Variants in YTHDC2 observed in about 807,000 individuals in gnomAD.
YTHDC2 encodes the protein YTH N6-methyladenosine RNA binding protein C2.
A neutral mutation model predicts 174.9 loss-of-function variants in YTHDC2; 45 were observed. The observed-to-expected ratio is 0.26, with a 90% CI of 0.20 to 0.33. The LOEUF (loss-of-function observed/expected upper bound fraction) is 0.33, where lower values mean the gene tolerates loss of function less well. Among genes scored for constraint, YTHDC2 ranks in the 10% least tolerant of loss-of-function variants. The pLI, the probability that YTHDC2 is intolerant of heterozygous loss-of-function variation, is 1.00. For missense variants in YTHDC2, 1,650 were observed against 1,723.7 expected, an observed-to-expected ratio of 0.96 and a Z score of 0.76; for synonymous variants, 657 against 574.5, an observed-to-expected ratio of 1.14 and a Z score of -2.05.
intron 11 of YTHDC2, 53 bp downstream of exon 11, chr5:113,548,720 CT>C: frequency 6.7e-7 from 1 of 1,502,060 alleles, no homozygotes; most frequent in Non-Finnish European, 8.9e-7. Context: ...CTACACATAT[CT>C]TTTTTTGTTT....
intron 3 of YTHDC2, 128 bp downstream of exon 3, chr5:113,525,305 G>C (rs1774137641): frequency 1.2e-6 from 1 of 852,468 alleles, no homozygotes; most frequent in South Asian, 2.1e-5. Context: ...TGTTAGAAAT[G>C]ATTAAGAGTT....
chr5:113,568,595 G>C (rs575845610), intron 23 of YTHDC2, among the ~76,000 whole-genome samples: 1 of 152,120 alleles, frequency 6.6e-6, no homozygotes, highest in African/African-American at 2.4e-5. Flanking sequence ...TCATCATTCA[G>C]CTCCCACTTA....
chr5:113,557,824 A>T (rs563265845), intron 17 of YTHDC2, among the ~76,000 whole-genome samples: 2 of 152,282 alleles, frequency 1.3e-5, no homozygotes, highest in South Asian at 4.1e-4. Flanking sequence ...AACAAATAGT[A>T]TATTATTGGA....
chr5:113,553,396 A>G lies in YTHDC2; in HGVS notation c.1867+37A>G, dbSNP rs1205037874. 5.2e-6 allele frequency: 8 copies of G among 1,549,222 alleles called. No homozygotes were observed. The East Asian group carries it at 9.1e-5, about 18-fold the overall frequency. ...TTGTCTAAAAGAACTGGAGCAAAAT[A>G]TATACTTTAAGAATTAATATTTTAA... On this transcript the variant is annotated intron_variant, in intron 13 of 29. Coordinates refer to ENST00000161863, the MANE Select transcript of YTHDC2 (RefSeq NM_022828.5).
At chr5:113,580,939 A>G (rs962781318) in intron 24 of YTHDC2, among the ~76,000 whole-genome samples, 4 of 152,036 alleles carry the variant, frequency 2.6e-5, no homozygotes, top group Non-Finnish European at 5.9e-5. Flanking sequence ...TCTTACTCTT[A>G]TCTTCTTACT....
chr5:113,578,383 TTTTGTTTTG>T (rs1056577122), intron 23 of YTHDC2, among the ~76,000 whole-genome samples: 1 of 146,568 alleles, frequency 6.8e-6, no homozygotes, highest in East Asian at 1.9e-4. Flanking sequence ...TTTTGTTTTG[TTTTGTTTTG>T]TTTTTTTGTG....
Position 113,526,640 on chromosome 5 carries a change from T to A in YTHDC2, c.530T>A (p.Ile177Asn). 1 of 1,603,992 alleles carries A rather than the reference T, an allele frequency of 6.2e-7. No individual in the cohort carries two copies. Among genetic ancestry groups the A allele is most frequent in the Non-Finnish European group, 8.5e-7 (1 of 1,174,510 alleles). Reference sequence around the variant, plus strand: ...CGACTCAACAATGGCATACCTCAGATTCCAGTGAAAAGAGGAGAATCCGAA... The same window carrying A: ...CGACTCAACAATGGCATACCTCAGAATCCAGTGAAAAGAGGAGAATCCGAA... ...SGRLNNGIPQ[I>N]PVKRGESEFD... is the part of the protein sequence containing the mutation. The change falls in exon 4 of 30, where the codon ATT (isoleucine) becomes AAT (asparagine). Residue 177 changes from isoleucine to asparagine, a missense_variant. Ile to Asn is a moderately radical substitution (Grantham distance 149). Coordinates refer to ENST00000161863, the MANE Select transcript of YTHDC2 (RefSeq NM_022828.5).
intron 2 of YTHDC2, among the ~76,000 whole-genome samples, chr5:113,522,939 T>C (rs1773979193): frequency 1.3e-5 from 2 of 152,120 alleles, no homozygotes; most frequent in African/African-American, 4.8e-5. Flanking sequence ...AAATTTTAAA[T>C]GGTAATGGCT....
intron 10 of YTHDC2, among the ~76,000 whole-genome samples, chr5:113,543,073 A>G (rs1474523056): frequency 1.3e-5 from 2 of 152,158 alleles, no homozygotes; most frequent in Non-Finnish European, 2.9e-5. Context: ...TTCTATTTAT[A>G]CTTAATCCTT....
intron 19 of YTHDC2, 136 bp downstream of exon 19, chr5:113,563,628 TG>T: frequency 9.1e-7 from 1 of 1,095,408 alleles, no homozygotes; most frequent in East Asian, 2.6e-5. Flanking sequence ...AAACTAATTT[TG>T]TACTTTTAAA....
chr5:113,536,413 T>C (rs1775076636), intron 7 of YTHDC2, among the ~76,000 whole-genome samples: 1 of 152,160 alleles, frequency 6.6e-6, no homozygotes, highest in Non-Finnish European at 1.5e-5. Context: ...CAGTCCCAGC[T>C]ACTCGGGAGG....
In YTHDC2 at chr5:113,594,035, C is replaced by CAG. The variant is rs1230908440; in HGVS notation, c.*561_*562insAG. 6.6e-6 allele frequency: 1 copy of CAG among 152,126 alleles called. No individual in the cohort carries two copies. The highest frequency in any genetic ancestry group is 1.5e-5 in the Non-Finnish European group (1 of 68,016). The allele number at this position is 152,126 out of a possible 1,614,324, so 9.4% of individuals were successfully genotyped here. On this transcript the variant is annotated 3_prime_UTR_variant, in exon 30 of 30. Coordinates refer to ENST00000161863, the MANE Select transcript of YTHDC2 (RefSeq NM_022828.5). ...GGGCTATTCATTCTGCCATTTTTAA[C>CAG]TTGAGACACATTTAAGAATAAAGTT...
chr5:113,578,635 T>TTGTGTGG (rs1201218885), intron 23 of YTHDC2, among the ~76,000 whole-genome samples: 1 of 152,086 alleles, frequency 6.6e-6, no homozygotes, highest in Non-Finnish European at 1.5e-5. Flanking sequence ...CCTGTAGGGT[T>TTGTGTGG]TGTGTGGTGT....
At chr5:113,555,538 CTT>C (rs1776548290) in intron 16 of YTHDC2, among the ~76,000 whole-genome samples, 1 of 152,102 alleles carries the variant, frequency 6.6e-6, no homozygotes, top group African/African-American at 2.4e-5. Flanking sequence ...GAAAGGCTAA[CTT>C]TGTTAGTAGC....
chr5:113,589,420 T>A (rs1238504672), intron 26 of YTHDC2, among the ~76,000 whole-genome samples: 20 of 142,944 alleles, frequency 1.4e-4, no homozygotes, highest in African/African-American at 4.4e-4. Flanking sequence ...TATATATATA[T>A]ATATATATAT....
intron 23 of YTHDC2, among the ~76,000 whole-genome samples, chr5:113,573,481 G>C (rs923499924): frequency 7.9e-5 from 12 of 151,920 alleles, no homozygotes; most frequent in African/African-American, 2.7e-4. Flanking sequence ...ATTATACTAG[G>C]GTTCTCTGGA....
At chr5:113,580,491 C>G (rs1028353686) in intron 24 of YTHDC2, among the ~76,000 whole-genome samples, 1 of 152,126 alleles carries the variant, frequency 6.6e-6, no homozygotes, top group African/African-American at 2.4e-5. Context: ...GATTCTATCT[C>G]TACTGTCCAA....
chr5:113,522,070 A>ATTT (rs1773903427), intron 2 of YTHDC2, among the ~76,000 whole-genome samples: 1 of 151,786 alleles, frequency 6.6e-6, no homozygotes, highest in Non-Finnish European at 1.5e-5. Context: ...CCTAATGGAA[A>ATTT]TATAAATTAA....
chr5:113,514,111 C>T, intron 1 of YTHDC2, 29 bp downstream of exon 1: 1 of 1,600,030 alleles, frequency 6.2e-7, no homozygotes, highest in Non-Finnish European at 8.5e-7. Flanking sequence ...ACCATGCTGG[C>T]AGTCAGGATA....
Sources: allele counts gnomAD v4.1 joint callset (sites outside exome capture counted in the v4.1 genomes callset), GRCh38; gene constraint gnomAD v4.1.1; transcripts MANE v1.5; gene names NCBI Gene and HGNC (gene_info 2026-07-23, HGNC 2026-07-21).